The following SSH2 variants were observed in gnomAD, a reference collection of about 807,000 sequenced individuals.
SSH2 encodes slingshot protein phosphatase 2.
In SSH2, 37 loss-of-function variants were observed where a neutral mutation model predicts 135.2. That is an observed-to-expected ratio of 0.27 (90% CI 0.21 to 0.36). The LOEUF (loss-of-function observed/expected upper bound fraction) is 0.36. Ranked by LOEUF, SSH2 falls within the 10% of genes least tolerant of loss-of-function variation. The pLI, the probability that SSH2 is intolerant of heterozygous loss-of-function variation, is 1.00. For missense variants in SSH2, 1,408 were observed against 1,765.3 expected (o/e 0.80, Z 3.63); for synonymous variants, 628 against 646.2 (o/e 0.97, Z 0.43).
intron 1 of SSH2, among the ~76,000 whole-genome samples, chr17:29,921,602 G>A (rs550184111): frequency 2.0e-4 from 31 of 151,828 alleles, no homozygotes; most frequent in Admixed American, 9.8e-4. Context: ...TTAAGAGGGA[G>A]TTTCATTCTT....
At chr17:29,679,441 CTT>C (rs1215393771) in intron 6 of SSH2, among the ~76,000 whole-genome samples, 3 of 151,162 alleles carry the variant, frequency 2.0e-5, no homozygotes, top group Non-Finnish European at 2.9e-5. Flanking sequence ...GAGTTTCACT[CTT>C]GTTGCCCAGG....
At chr17:29,724,076 T>C (rs989941743) in intron 3 of SSH2, among the ~76,000 whole-genome samples, 1 of 152,190 alleles carries the variant, frequency 6.6e-6, no homozygotes, top group Non-Finnish European at 1.5e-5. Context: ...GGACCCACAT[T>C]TTCCTGTTGG....
At chr17:29,749,732 CTTGT>C (rs963219632) in intron 3 of SSH2, among the ~76,000 whole-genome samples, 24 of 151,960 alleles carry the variant, frequency 1.6e-4, no homozygotes, top group Non-Finnish European at 1.0e-4. Flanking sequence ...CTTATTTTTT[CTTGT>C]TTGTTTTTTG....
In SSH2 at chr17:29,666,433, A is replaced by G. The variant is rs546923037; in HGVS notation, c.1032+434T>C. On this transcript the variant is annotated intron_variant, in intron 11 of 15. Transcript: ENST00000540801. ...CATGGTGGCTCATGCTTATAATCCC[A>G]GCACTTTGAGAGGCCAAGGCGGGCA... is the stretch of plus-strand genomic sequence containing the variant. Among the ~76,000 whole-genome samples the G allele has an allele frequency of 5.3e-5, 8 of 152,226 alleles. 1 individual carries two copies. The South Asian group carries it at 1.7e-3, about 32-fold the overall frequency.
At chr17:29,719,661 C>T in intron 3 of SSH2, among the ~76,000 whole-genome samples, 1 of 151,874 alleles carries the variant, frequency 6.6e-6, no homozygotes, top group Non-Finnish European at 1.5e-5. Context: ...TCCCATTTCA[C>T]AGATGAGAAA....
intron 3 of SSH2, among the ~76,000 whole-genome samples, chr17:29,745,182 CAG>C (rs1294671027): frequency 3.4e-5 from 5 of 148,248 alleles, no homozygotes; most frequent in Non-Finnish European, 7.4e-5. Flanking sequence ...TTTTTTGAAA[CAG>C]AGTCTTTTTC....
Position 29,648,386 on chromosome 17 carries a change from T to C in SSH2, c.1227-42A>G, listed in dbSNP as rs199569736. On this transcript the variant is annotated intron_variant, in intron 13 of 15. Coordinates refer to ENST00000540801, the MANE Select transcript of SSH2 (RefSeq NM_001282129.2). ...AGGTAAAGAATAGAGGAAAATACAA[T>C]AGTGGGGATATTTTAAAAGTTGGTT... The C allele has an allele frequency of 7.3e-4, 1,078 of 1,478,750 alleles. 1 individual carries two copies. The highest frequency in any genetic ancestry group is 8.4e-4 in the Non-Finnish European group (923 of 1,099,704). 91.6% of individuals were successfully genotyped at this position (1,478,750 alleles called of 1,614,324 possible). A position where few individuals can be genotyped will look rare whatever the true frequency, so the allele number is the denominator to read the frequency against.
intron 12 of SSH2, among the ~76,000 whole-genome samples, chr17:29,653,243 T>C (rs2036647762): frequency 6.6e-6 from 1 of 152,194 alleles, no homozygotes; most frequent in Admixed American, 6.5e-5. Context: ...GAAAATCCCA[T>C]TAAGTCATCT....
At chr17:29,859,480 G>A (rs557000995) in intron 1 of SSH2, among the ~76,000 whole-genome samples, 3 of 152,058 alleles carry the variant, frequency 2.0e-5, no homozygotes, top group Non-Finnish European at 4.4e-5. Flanking sequence ...CCTGGTGTCT[G>A]TGTTCCCCTC....
chr17:29,747,680 T>C (rs986671067), intron 3 of SSH2, among the ~76,000 whole-genome samples: 1 of 152,236 alleles, frequency 6.6e-6, no homozygotes, highest in Admixed American at 6.5e-5. Context: ...AAAAATAGGA[T>C]ACTGATTTTT....
intron 1 of SSH2, among the ~76,000 whole-genome samples, chr17:29,905,740 C>T (rs2066641794): frequency 6.6e-6 from 1 of 152,182 alleles, no homozygotes; most frequent in Non-Finnish European, 1.5e-5. Flanking sequence ...GGGGGCTGGG[C>T]TGCCAGTCCC....
intron 4 of SSH2, among the ~76,000 whole-genome samples, chr17:29,701,436 G>T (rs2038977229): frequency 7.5e-6 from 1 of 132,654 alleles, no homozygotes; most frequent in African/African-American, 2.9e-5. Context: ...TTGAGACAGG[G>T]TCCCACTCTG....
intron 2 of SSH2, among the ~76,000 whole-genome samples, chr17:29,809,644 C>G (rs1354154739): frequency 6.6e-6 from 1 of 152,094 alleles, no homozygotes; most frequent in East Asian, 1.9e-4. Flanking sequence ...CAGCCTTGAA[C>G]TCCTAGGTTC....
intron 1 of SSH2, among the ~76,000 whole-genome samples, chr17:29,864,865 C>T (rs1225236547): frequency 6.6e-6 from 1 of 152,122 alleles, no homozygotes; most frequent in Admixed American, 6.5e-5. Context: ...AATTCTTGGG[C>T]CCCACCCCTG....
chr17:29,696,620 T>C (rs867958978), intron 4 of SSH2, among the ~76,000 whole-genome samples: 91 of 136,104 alleles, frequency 6.7e-4, no homozygotes, highest in African/African-American at 2.3e-3. Context: ...TACATATATA[T>C]ATACACACAC....
intron 11 of SSH2, among the ~76,000 whole-genome samples, chr17:29,666,356 A>G: frequency 6.6e-6 from 1 of 152,138 alleles, no homozygotes; most frequent in Non-Finnish European, 1.5e-5. Flanking sequence ...GCTGGGCAAC[A>G]GAGCGAGACC....
intron 11 of SSH2, among the ~76,000 whole-genome samples, chr17:29,664,570 C>T (rs1037186677): frequency 1.3e-5 from 2 of 151,862 alleles, no homozygotes; most frequent in African/African-American, 2.4e-5. Flanking sequence ...CATGGCTCAC[C>T]GCAGCCTCAA....
In SSH2 at chr17:29,680,551, C is replaced by CAAAAAAAAAAAAAA. The variant is rs1160865828; in HGVS notation, c.480-2824_480-2811dup. On this transcript the variant is annotated intron_variant, in intron 6 of 15. Transcript: ENST00000540801. ...TGGGAGACACAGCAAGACTCCCTCTCAAAAAAAAAAAAAAAAAAAAAAAAA... is the reference window on the plus strand; with the variant it reads ...TGGGAGACACAGCAAGACTCCCTCTCAAAAAAAAAAAAAAAAAAAAAAAAAAAAAAAAAAAAAAA... Among the ~76,000 whole-genome samples the CAAAAAAAAAAAAAA allele has an allele frequency of 4.2e-4, 9 of 21,540 alleles. 3 individuals are homozygous for CAAAAAAAAAAAAAA. Among genetic ancestry groups the CAAAAAAAAAAAAAA allele is most frequent in the African/African-American group, 9.2e-4 (5 of 5,416 alleles). 14.1% of individuals were successfully genotyped at this position (21,540 alleles called of 152,430 possible).
At chr17:29,799,883 C>T (rs1410211968) in intron 2 of SSH2, among the ~76,000 whole-genome samples, 2 of 152,176 alleles carry the variant, frequency 1.3e-5, no homozygotes, top group African/African-American at 2.4e-5. Context: ...GAACGTGGGT[C>T]TATCTTTCTG....
Sources: gnomAD v4.1 joint callset for allele counts (sites outside exome capture counted in the v4.1 genomes callset) on GRCh38, gnomAD v4.1.1 for gene constraint, MANE v1.5 for transcripts, NCBI Gene and HGNC (gene_info 2026-07-23, HGNC 2026-07-21) for gene names.